Variants in CREB3L1 observed in about 807,000 individuals in gnomAD.
The protein encoded by CREB3L1 is cyclic AMP-responsive element-binding protein 3-like protein 1.
A neutral mutation model predicts 54.5 loss-of-function variants in CREB3L1; 33 were observed. That is an observed-to-expected ratio of 0.61 (90% confidence interval 0.46 to 0.81). The LOEUF (loss-of-function observed/expected upper bound fraction) is 0.81. CREB3L1 is among the 30% of genes least tolerant of loss of function. The pLI is 0.00. For missense variants in CREB3L1, 656 were observed against 673.3 expected (o/e 0.97, Z 0.29); for synonymous variants, 284 against 286.4 (o/e 0.99, Z 0.08).
Position 46,278,031 on chromosome 11 carries a change from A to G in CREB3L1, c.-81A>G. The G allele has an allele frequency of 3.6e-6, 2 of 553,338 alleles. No homozygotes were observed. Among genetic ancestry groups the G allele is most frequent in the Non-Finnish European group, 5.4e-6 (2 of 373,662 alleles). 34.3% of individuals were successfully genotyped at this position (553,338 alleles called of 1,614,324 possible). A position where few individuals can be genotyped will look rare whatever the true frequency, so the allele number is the denominator to read the frequency against. On this transcript the variant is annotated 5_prime_UTR_variant, in exon 1 of 12. Coordinates refer to ENST00000621158, the MANE Select transcript of CREB3L1 (RefSeq NM_052854.4). This position sits in a 1 kb window ranked among gnomAD's most constrained non-coding sequence, Gnocchi z 4.2. The stretch of plus-strand genomic sequence containing the variant: ...GCCCCCCGCCCGTTTGCCAGCGCTC[A>G]GGCAGGAGCTCTGGACTGGGCGCGC...
intron 1 of CREB3L1, among the ~76,000 whole-genome samples, chr11:46,297,796 C>T (rs1411889654): frequency 6.6e-6 from 1 of 152,154 alleles, no homozygotes; most frequent in Non-Finnish European, 1.5e-5. Context: ...AAACATTCCC[C>T]CCACAACTCC....
chr11:46,287,743 C>T (rs965342735), intron 1 of CREB3L1, among the ~76,000 whole-genome samples: 13 of 152,054 alleles, frequency 8.5e-5, no homozygotes, highest in East Asian at 7.8e-4. Flanking sequence ...TTTGGGAGGC[C>T]GAGGCGGGTG....
intron 2 of CREB3L1, among the ~76,000 whole-genome samples, chr11:46,305,690 A>ATG (rs764468204): frequency 0.27 from 30,505 of 111,036 alleles, 5,480 homozygotes; most frequent in East Asian, 0.49. Context: ...GTGTGTATAT[A>ATG]TGTGTGTGTG....
chr11:46,287,440 A>C (rs535122425), intron 1 of CREB3L1, among the ~76,000 whole-genome samples: 2 of 152,236 alleles, frequency 1.3e-5, no homozygotes, highest in East Asian at 1.9e-4. Flanking sequence ...CTAGGACTAC[A>C]GGGACATACC....
At chr11:46,291,748 C>G (rs1261206898) in intron 1 of CREB3L1, among the ~76,000 whole-genome samples, 1 of 152,122 alleles carries the variant, frequency 6.6e-6, no homozygotes, top group Non-Finnish European at 1.5e-5. Flanking sequence ...CCTTGGAGGC[C>G]CAGAGAGCTC....
chr11:46,281,910 A>C (rs1938981244), intron 1 of CREB3L1, among the ~76,000 whole-genome samples: 1 of 152,170 alleles, frequency 6.6e-6, no homozygotes, highest in African/African-American at 2.4e-5. Flanking sequence ...GAAAAGATCT[A>C]ATGAAAAACC....
Position 46,287,907 on chromosome 11 carries a change from C to T in CREB3L1, c.102+9694C>T, listed in dbSNP as rs548859367. On this transcript the variant is annotated intron_variant, in intron 1 of 11. Transcript: ENST00000621158. ...AGAAGAATTGCTTGAACCCAGGAGG[C>T]GGAGGTTGCAGTAAGCCGAGATCAT... Among the ~76,000 whole-genome samples the T allele has an allele frequency of 4.6e-5, 7 of 151,034 alleles. No individual in the cohort carries two copies. In the South Asian group the frequency reaches 1.1e-3, roughly 23 times the overall value.
At chr11:46,317,598 T>G (rs1939587132) in intron 10 of CREB3L1, 111 bp downstream of exon 10, 1 of 1,361,472 alleles carries the variant, frequency 7.3e-7, no homozygotes, top group Non-Finnish European at 9.9e-7. Flanking sequence ...GGGTCAGCAT[T>G]ATCTCATTTT....
chr11:46,298,431 C>G (rs1939244698), intron 1 of CREB3L1, among the ~76,000 whole-genome samples: 2 of 152,218 alleles, frequency 1.3e-5, no homozygotes, highest in South Asian at 4.1e-4. Flanking sequence ...GGCACGGTGG[C>G]CTACACCTGT....
intron 1 of CREB3L1, among the ~76,000 whole-genome samples, chr11:46,290,693 G>A (rs1262453979): frequency 6.6e-6 from 1 of 151,912 alleles, no homozygotes; most frequent in Non-Finnish European, 1.5e-5. Context: ...CGGTGCCAGA[G>A]GGACAGTGTA....
intron 8 of CREB3L1, among the ~76,000 whole-genome samples, chr11:46,313,689 T>G (rs1447346346): frequency 1.3e-5 from 2 of 148,882 alleles, no homozygotes; most frequent in African/African-American, 4.9e-5. Flanking sequence ...AAAAAAAAAA[T>G]GCAGAATTTC....
intron 7 of CREB3L1, 68 bp from the exon 8 acceptor site, chr11:46,312,783 G>C: frequency 6.5e-7 from 1 of 1,548,860 alleles, no homozygotes; most frequent in African/African-American, 1.4e-5. Context: ...GATGGTGGTG[G>C]GCTGGGCCGA....
intron 1 of CREB3L1, among the ~76,000 whole-genome samples, chr11:46,281,211 C>T (rs536529576): frequency 6.6e-6 from 1 of 152,358 alleles, no homozygotes; most frequent in South Asian, 2.1e-4. Context: ...GCCCCTCCCG[C>T]TCTCCCATGG....
chr11:46,310,822 T>G (rs1008617889), intron 4 of CREB3L1: 1 of 571,772 alleles, frequency 1.7e-6, no homozygotes, highest in Non-Finnish European at 2.8e-6. Context: ...TGGTGTCAGA[T>G]GAGGCAGCAC....
chr11:46,315,099 T>G, intron 8 of CREB3L1: 1 of 211,978 alleles, frequency 4.7e-6, no homozygotes, highest in Non-Finnish European at 1.0e-5. Context: ...TACAATAACC[T>G]AGACAACAGC....
rs1195719434 is a variant in CREB3L1 at position 46,317,417 on chromosome 11, G to A, written c.1188G>A (p.Glu396=). 6.2e-6 allele frequency: 10 copies of A among 1,613,680 alleles called. No homozygotes were observed. The African/African-American group carries it at 1.2e-4, about 19-fold the overall frequency. ...GCTCCCTCGTGCCCTGCCTTCCCGA[G>A]TTCTCCTCCGGCTCCCAGACTGTGA... ...VLGSLVPCLP[E]FSSGSQTVKE... Residue 396 remains glutamate (E), a synonymous_variant, in exon 10 of 12, where the codon GAG becomes GAA. Coordinates refer to ENST00000621158, the MANE Select transcript of CREB3L1 (RefSeq NM_052854.4).
intron 3 of CREB3L1, among the ~76,000 whole-genome samples, chr11:46,308,598 G>C (rs73461899): frequency 0.017 from 2,662 of 152,246 alleles, 82 homozygotes; most frequent in African/African-American, 0.06. Flanking sequence ...TTGTGTTCTG[G>C]GCATGTTGCA....
intron 10 of CREB3L1, 33 bp downstream of exon 10, chr11:46,317,520 G>A (rs1443554515): frequency 6.2e-7 from 1 of 1,602,150 alleles, no homozygotes; most frequent in Non-Finnish European, 8.5e-7. Context: ...AGCTCCCTGG[G>A]CTGAGGCTGC....
intron 2 of CREB3L1, among the ~76,000 whole-genome samples, chr11:46,306,393 A>G (rs569108721): frequency 6.6e-6 from 1 of 152,210 alleles, no homozygotes; most frequent in Non-Finnish European, 1.5e-5. Flanking sequence ...AGTCCCAGCT[A>G]CTTAGGAGGC....
Sources: gnomAD v4.1 joint callset for allele counts (sites outside exome capture counted in the v4.1 genomes callset) on GRCh38, gnomAD v4.1.1 for gene constraint, Gnocchi (gnomAD v3.1) non-coding constraint, MANE v1.5 for transcripts, NCBI Gene and HGNC (gene_info 2026-07-23, HGNC 2026-07-21) for gene names.